Variants in PICK1 observed in about 807,000 individuals in gnomAD.
PICK1 encodes PRKCA-binding protein.
PICK1 carries 23 observed loss-of-function variants against 48.9 expected under a neutral mutation model. That is an observed-to-expected ratio of 0.47 (90% CI 0.34 to 0.67). PICK1 has a LOEUF of 0.67. PICK1 is among the 30% of genes least tolerant of loss of function. The pLI is 0.01. For synonymous variants in PICK1, 217 were observed against 228.2 expected (o/e 0.95, Z 0.44); for missense variants, 423 against 557.1 (o/e 0.76, Z 2.42).
Position 38,072,743 on chromosome 22 carries a change from T to A in PICK1, c.690+133T>A, listed in dbSNP as rs999800890. On this transcript the variant is annotated intron_variant, in intron 9 of 12. Coordinates refer to ENST00000356976, the MANE Select transcript of PICK1 (RefSeq NM_012407.4). ...TGGCTCAGTCACCCACACAGTGGAC[T>A]GTGGGTGAGTCACTGTGCCCCCTTG... 3.7e-6 allele frequency: 5 copies of A among 1,334,654 alleles called. No individual in the cohort carries two copies. The African/African-American group carries it at 7.2e-5, about 19-fold the overall frequency. 82.7% of individuals were successfully genotyped at this position (1,334,654 alleles called of 1,614,324 possible).
chr22:38,074,170 C>T lies in PICK1; in HGVS notation c.835-137C>T. ...GTTTGGTTTTTTCCTCTCTTCAAAGCTATCACTGAGTGCTTCTGAGAAACA... is the reference window on the plus strand; with the variant it reads ...GTTTGGTTTTTTCCTCTCTTCAAAGTTATCACTGAGTGCTTCTGAGAAACA... On this transcript the variant is annotated intron_variant, in intron 11 of 12. Coordinates refer to ENST00000356976, the MANE Select transcript of PICK1 (RefSeq NM_012407.4). The surrounding 1 kb of genome is among the most constrained non-coding windows in gnomAD (Gnocchi z 4.5). The T allele has an allele frequency of 9.4e-7, 1 of 1,062,180 alleles. No individual in the cohort carries two copies. The highest frequency in any genetic ancestry group is 2.5e-5 in the East Asian group (1 of 39,802). 65.8% of individuals were successfully genotyped at this position (1,062,180 alleles called of 1,614,324 possible). A position where few individuals can be genotyped will look rare whatever the true frequency, so the allele number is the denominator to read the frequency against.
In PICK1 at chr22:38,071,707, C is replaced by T. The variant is rs1488983221; in HGVS notation, c.519C>T (p.Leu173=). 2 of 1,613,658 alleles carry T rather than the reference C, an allele frequency of 1.2e-6. No homozygotes were observed. The highest frequency in any genetic ancestry group is 3.3e-5 in the Admixed American group (2 of 60,034). Residue 173 remains leucine (L), a synonymous_variant, in exon 8 of 13, where the codon CTC becomes CTT. Transcript: ENST00000356976. ...GGATGACGGAACACACCAAGAACCT[C>T]CTACGGGCCTTTTATGAGCTGTCGC... The part of the protein sequence containing the change: ...YKGMTEHTKN[L]LRAFYELSQT...
chr22:38,072,041 AGCT>A (rs1391425749), intron 8 of PICK1: 1 of 510,076 alleles, frequency 2.0e-6, no homozygotes, highest in Non-Finnish European at 3.6e-6. Context: ...GGCCGACTGC[AGCT>A]GACCCCAGCT....
In PICK1 at chr22:38,072,684, C is replaced by T. The variant is rs889687939; in HGVS notation, c.690+74C>T. Reference sequence around the variant, plus strand: ...GGAGAGTGTGGCATGCAGAGAAGGTCGTATGCTGGAGTCCTGTGCCTGGGT... The same window carrying T: ...GGAGAGTGTGGCATGCAGAGAAGGTTGTATGCTGGAGTCCTGTGCCTGGGT... On this transcript the variant is annotated intron_variant, in intron 9 of 12. Transcript: ENST00000356976. The T allele has an allele frequency of 1.1e-5, 17 of 1,581,702 alleles. No homozygotes were observed. The African/African-American group carries it at 1.1e-4, about 10-fold the overall frequency.
chr22:38,065,214 T>C, intron 4 of PICK1, 84 bp downstream of exon 4: 1 of 1,413,858 alleles, frequency 7.1e-7, no homozygotes, highest in Non-Finnish European at 9.8e-7. Flanking sequence ...CCAGCAGGCC[T>C]GGAAGGGGGT....
At chr22:38,068,956 T>C in intron 5 of PICK1, 77 bp from the exon 6 acceptor site, 1 of 1,204,058 alleles carries the variant, frequency 8.3e-7, no homozygotes, top group South Asian at 1.3e-5. Context: ...GTGCTCCCTG[T>C]GCATGGAGGT....
chr22:38,070,005 A>T (rs1478823126), intron 6 of PICK1, among the ~76,000 whole-genome samples: 1 of 152,204 alleles, frequency 6.6e-6, no homozygotes, highest in Non-Finnish European at 1.5e-5. Flanking sequence ...GCCGCTGGCC[A>T]GGTGCTAAGG....
At chr22:38,065,292 A>T in intron 4 of PICK1, 162 bp downstream of exon 4, 5 of 711,982 alleles carry the variant, frequency 7.0e-6, no homozygotes, top group Non-Finnish European at 1.3e-5. Context: ...TCCCTCATCC[A>T]TCCCTCATTC....
intron 3 of PICK1, among the ~76,000 whole-genome samples, chr22:38,064,006 T>C (rs760756425): frequency 2.6e-5 from 4 of 152,224 alleles, no homozygotes; most frequent in Non-Finnish European, 5.9e-5. Context: ...TTCTGAGTTT[T>C]ATAGTTTTAA....
chr22:38,063,423 C>T (rs35706623), intron 3 of PICK1, among the ~76,000 whole-genome samples: 2,318 of 152,098 alleles, frequency 0.015, 24 homozygotes, highest in South Asian at 0.036. Context: ...TGCGCACCAC[C>T]GTGCCCAGCC....
intron 4 of PICK1, among the ~76,000 whole-genome samples, chr22:38,065,415 AC>A (rs1447353928): frequency 6.6e-6 from 1 of 152,072 alleles, no homozygotes; most frequent in Non-Finnish European, 1.5e-5. Context: ...ACTTGGAACC[AC>A]CCCTCAGGCA....
chr22:38,059,168 A>T, intron 2 of PICK1, 66 bp from the exon 3 acceptor site: 1 of 1,218,144 alleles, frequency 8.2e-7, no homozygotes, highest in Non-Finnish European at 1.2e-6. Flanking sequence ...CAGGAGTTTT[A>T]GAGGGCCCAC....
rs960384112 is a variant in PICK1 at position 38,066,387 on chromosome 22, C to G, written c.282+1257C>G. 6.6e-6 allele frequency among the ~76,000 whole-genome samples: 1 copy of G among 152,220 alleles called. No individual in the cohort carries two copies. Among genetic ancestry groups the G allele is most frequent in the Non-Finnish European group, 1.5e-5 (1 of 68,042 alleles). On this transcript the variant is annotated intron_variant, in intron 4 of 12. Transcript: ENST00000356976. The surrounding 1 kb of genome is among the most constrained non-coding windows in gnomAD (Gnocchi z 4.1). ...TCCACTCGCCAGGTCCCTCCCTGTC[C>G]TCTCAGGCTTGGTCATACCAGCACC...
chr22:38,072,963 G>C, intron 9 of PICK1, 37 bp from the exon 10 acceptor site: 1 of 1,385,658 alleles, frequency 7.2e-7, no homozygotes, highest in Non-Finnish European at 1.0e-6. Context: ...GCACACCCCT[G>C]CCGTGACAGC....
At chr22:38,069,828 A>T (rs2085632013) in intron 6 of PICK1, among the ~76,000 whole-genome samples, 1 of 152,016 alleles carries the variant, frequency 6.6e-6, no homozygotes, top group Non-Finnish European at 1.5e-5. Flanking sequence ...AATCCCTGTT[A>T]CTGTAGTTAC....
At chr22:38,072,672 TG>T in intron 9 of PICK1, 62 bp downstream of exon 9, 1 of 1,599,430 alleles carries the variant, frequency 6.3e-7, no homozygotes. Flanking sequence ...GAGTGTGGCA[TG>T]CAGAGAAGGT....
intron 5 of PICK1, among the ~76,000 whole-genome samples, chr22:38,068,481 G>A (rs991388033): frequency 6.6e-6 from 1 of 152,176 alleles, no homozygotes; most frequent in Non-Finnish European, 1.5e-5. Flanking sequence ...GAGGCCAAGG[G>A]GCTAAGGGCA....
chr22:38,071,872 G>GTGC, intron 8 of PICK1, 128 bp downstream of exon 8: 1 of 826,348 alleles, frequency 1.2e-6, no homozygotes, highest in South Asian at 1.4e-5. Context: ...CTGGTCCCAG[G>GTGC]TGCTGGGATT....
chr22:38,068,702 C>G (rs1245345770), intron 5 of PICK1, among the ~76,000 whole-genome samples: 1 of 152,180 alleles, frequency 6.6e-6, no homozygotes, highest in East Asian at 1.9e-4. Flanking sequence ...CCTGATGTGA[C>G]ACAGAGGAGG....
Sources: allele counts gnomAD v4.1 joint callset (sites outside exome capture counted in the v4.1 genomes callset), GRCh38; gene constraint gnomAD v4.1.1; non-coding constraint Gnocchi (gnomAD v3.1); transcripts MANE v1.5; gene names NCBI Gene and HGNC (gene_info 2026-07-23, HGNC 2026-07-21).